Variants in MAZ observed in about 807,000 individuals in gnomAD.
The protein encoded by MAZ is myc-associated zinc finger protein.
A neutral mutation model predicts 32.7 loss-of-function variants in MAZ; 4 were observed. That is an observed-to-expected ratio of 0.12 (90% CI 0.06 to 0.28). MAZ has a LOEUF of 0.28. Among genes scored for constraint, MAZ ranks in the 10% least tolerant of loss-of-function variants. MAZ has a pLI of 1.00. For synonymous variants in MAZ, 510 were observed against 297.6 expected, an observed-to-expected ratio of 1.71 and a Z score of -7.35; for missense variants, 763 against 667.2, an observed-to-expected ratio of 1.14 and a Z score of -1.58.
rs571424053 is a variant in MAZ at position 29,810,247 on chromosome 16, C to T, written c.*16C>T. 2.9e-5 allele frequency: 45 copies of T among 1,572,258 alleles called. No individual in the cohort carries two copies. The highest frequency in any genetic ancestry group is 1.7e-4 in the Middle Eastern group (1 of 6,034). On this transcript the variant is annotated 3_prime_UTR_variant, in exon 5 of 5. Coordinates refer to ENST00000322945, the MANE Select transcript of MAZ (RefSeq NM_002383.4). ...ACCCTGGTGAGCTCCAAGTTGGTTG[C>T]GGGGGAGAGGGGAGAATGGAGTAGA...
At chr16:29,808,335 G>T in intron 3 of MAZ, 42 bp downstream of exon 3, 1 of 1,575,698 alleles carries the variant, frequency 6.3e-7, no homozygotes, top group Non-Finnish European at 8.7e-7. Context: ...TCATGATTTT[G>T]ATCCTCATGG....
At chr16:29,808,995 G>A (rs1216147926) in intron 4 of MAZ, 2 of 564,074 alleles carry the variant, frequency 3.5e-6, no homozygotes, top group Non-Finnish European at 6.2e-6. Context: ...AGTGGAACTT[G>A]GCTGCTCTGG....
In MAZ at chr16:29,807,637, T is replaced by C. The variant is rs749830776; in HGVS notation, c.852T>C (p.Cys284=). 2.5e-6 allele frequency: 4 copies of C among 1,612,612 alleles called. No homozygotes were observed. The highest frequency in any genetic ancestry group is 2.7e-5 in the African/African-American group (2 of 74,902). Residue 284 remains cysteine (C), a synonymous_variant, in exon 2 of 5, where the codon TGT becomes TGC. Coordinates refer to ENST00000322945, the MANE Select transcript of MAZ (RefSeq NM_002383.4). ...GGAAGAACCATGCCTGCGAGATGTGTGGCAAGGCCTTCCGCGACGTCTACC... is the reference window on the plus strand; with the variant it reads ...GGAAGAACCATGCCTGCGAGATGTGCGGCAAGGCCTTCCGCGACGTCTACC... ...RIRKNHACEM[C]GKAFRDVYHL...
intron 4 of MAZ, chr16:29,809,288 T>G: frequency 1.8e-6 from 1 of 544,792 alleles, no homozygotes; most frequent in East Asian, 3.2e-5. Flanking sequence ...CTGGGAGAGG[T>G]CTCCCGGCCA....
chr16:29,808,986 G>A lies in MAZ; in HGVS notation c.1279+245G>A, dbSNP rs2142403852. 12 of 566,542 alleles carry A rather than the reference G, an allele frequency of 2.1e-5. No individual in the cohort carries two copies. The South Asian group carries it at 2.8e-4, about 13-fold the overall frequency. 35.1% of individuals were successfully genotyped at this position (566,542 alleles called of 1,614,324 possible). A position where few individuals can be genotyped will look rare whatever the true frequency, so the allele number is the denominator to read the frequency against. ...CTGGTAATGTGTGGGGAAAGCGGGA[G>A]TGGAACTTGGCTGCTCTGGGGAAGG... On this transcript the variant is annotated intron_variant, in intron 4 of 4. Coordinates refer to ENST00000322945, the MANE Select transcript of MAZ (RefSeq NM_002383.4).
upstream of MAZ, chr16:29,806,124 ACCTCCCTC>A: frequency 1.7e-5 from 8 of 480,892 alleles, no homozygotes; most frequent in African/African-American, 3.7e-5. Flanking sequence ...AGCGCGAGCC[ACCTCCCTC>A]CCTCCCTCCG....
chr16:29,807,571 C>T lies in MAZ; in HGVS notation c.786C>T (p.Ala262=), dbSNP rs773615145. 10 of 1,607,480 alleles carry T rather than the reference C, an allele frequency of 6.2e-6. No individual in the cohort carries two copies. Among genetic ancestry groups the T allele is most frequent in the African/African-American group, 1.3e-5 (1 of 74,638 alleles). ...GAGGGAAAVA[A]GGVVTTTASG... ...GCGGCGGCGCTGCCGCAGTGGCCGC[C>T]GGTGGCGTGGTGACCACGACCGCCT... is the stretch of plus-strand genomic sequence containing the variant. The change falls in exon 2 of 5, where the codon GCC becomes GCT. Residue 262 remains alanine (A), a synonymous_variant. Coordinates refer to ENST00000322945, the MANE Select transcript of MAZ (RefSeq NM_002383.4).
rs1267861617 is a variant in MAZ, at chr16:29,810,413, C to T, written c.*182C>T. On this transcript the variant is annotated 3_prime_UTR_variant, in exon 5 of 5. Coordinates refer to ENST00000322945, the MANE Select transcript of MAZ (RefSeq NM_002383.4). The stretch of plus-strand genomic sequence containing the variant: ...AGGTTTTAACGATTTGTTTCTCCTG[C>T]TCCTCTTCTGTCAGACCTGACCCCA... The T allele has an allele frequency of 7.9e-6, 6 of 757,266 alleles. No individual in the cohort carries two copies. Among genetic ancestry groups the T allele is most frequent in the African/African-American group, 3.4e-5 (2 of 58,182 alleles). The allele number at this position is 757,266 out of a possible 1,614,324, so 46.9% of individuals were successfully genotyped here.
chr16:29,806,224 C>T (rs1596864683), upstream of MAZ: 1 of 336,042 alleles, frequency 3.0e-6, no homozygotes, highest in African/African-American at 5.2e-5. Flanking sequence ...GCCCACACCC[C>T]CTCCTGCCCG....
At chr16:29,809,911 G>C in intron 4 of MAZ, 166 bp from the exon 5 acceptor site, 1 of 1,236,510 alleles carries the variant, frequency 8.1e-7, no homozygotes, top group South Asian at 1.5e-5. Context: ...GAGGATCCTT[G>C]AGAACTGCTC....
At position 29,807,362 on chromosome 16, in the gene MAZ, G is replaced by C; in HGVS notation, c.577G>C (p.Ala193Pro). ...KTKSKGPYICALCAKEFKNGY... is the reference protein window; with the variant it reads ...KTKSKGPYICPLCAKEFKNGY... Reference sequence around the variant, plus strand: ...AAAGAGCAAGGGGCCCTACATCTGCGCTCTGTGCGCCAAGGAGTTCAAGAA... The same window carrying C: ...AAAGAGCAAGGGGCCCTACATCTGCCCTCTGTGCGCCAAGGAGTTCAAGAA... Residue 193 changes from alanine to proline, a missense_variant, in exon 2 of 5, where the codon GCT (alanine) becomes CCT (proline). Ala to Pro is a conservative substitution (Grantham distance 27). Coordinates refer to ENST00000322945, the MANE Select transcript of MAZ (RefSeq NM_002383.4). 1 of 1,612,240 alleles carries C rather than the reference G, an allele frequency of 6.2e-7. No individual in the cohort carries two copies. Among genetic ancestry groups the C allele is most frequent in the Non-Finnish European group, 8.5e-7 (1 of 1,179,670 alleles).
At chr16:29,808,539 G>GAC in intron 3 of MAZ, 31 bp from the exon 4 acceptor site, 1 of 1,489,022 alleles carries the variant, frequency 6.7e-7, no homozygotes, top group Non-Finnish European at 9.1e-7. Flanking sequence ...ACTCTCCTGT[G>GAC]ACACCCCCCA....
chr16:29,810,999 A>C lies in MAZ; in HGVS notation c.*768A>C. On this transcript the variant is annotated 3_prime_UTR_variant, in exon 5 of 5. Transcript: ENST00000322945. Reference sequence around the variant, plus strand: ...AGCCAGTGTCCCCCTCCCCTCTTCCACCCCAGCTCCAGCCCTGGTCTTGTC... The same window carrying C: ...AGCCAGTGTCCCCCTCCCCTCTTCCCCCCCAGCTCCAGCCCTGGTCTTGTC... 2.2e-6 allele frequency: 1 copy of C among 445,986 alleles called. No homozygotes were observed. Among genetic ancestry groups the C allele is most frequent in the Non-Finnish European group, 4.5e-6 (1 of 221,850 alleles). The allele number at this position is 445,986 out of a possible 1,614,324, so 27.6% of individuals were successfully genotyped here.
chr16:29,809,946 G>A (rs1322620653), intron 4 of MAZ, 131 bp from the exon 5 acceptor site: 5 of 1,429,904 alleles, frequency 3.5e-6, no homozygotes, highest in Non-Finnish European at 4.7e-6. Flanking sequence ...TGCAGGCTGA[G>A]GCCTCTGGGG....
At chr16:29,809,482 C>T (rs1295237222) in intron 4 of MAZ, 4 of 1,126,506 alleles carry the variant, frequency 3.6e-6, no homozygotes, top group Admixed American at 1.8e-5. Context: ...AGATCAGCCC[C>T]GTCTCTGGGG....
In MAZ at chr16:29,807,159, C is replaced by A; in HGVS notation, c.374C>A (p.Ala125Glu). 2 of 1,076,196 alleles carry A rather than the reference C, an allele frequency of 1.9e-6. No homozygotes were observed. The highest frequency in any genetic ancestry group is 4.7e-5 in the Admixed American group (1 of 21,082). 66.7% of individuals were successfully genotyped at this position (1,076,196 alleles called of 1,614,324 possible). A position where few individuals can be genotyped will look rare whatever the true frequency, so the allele number is the denominator to read the frequency against. Residue 125 changes from alanine to glutamate, a missense_variant, in exon 2 of 5, where the codon GCG becomes GAG. Ala to Glu is a moderately radical substitution (Grantham distance 107). Transcript: ENST00000322945. ...APAAASTVDTAALKQPPAPPP... is the reference protein window; with the variant it reads ...APAAASTVDTEALKQPPAPPP... ...GCCGCCGCCTCTACGGTGGACACAG[C>A]GGCCCTGAAGCAGCCTCCGGCGCCC...
rs540323579 is a variant in MAZ, at chr16:29,809,894, G to A, written c.1280-183G>A. 475 of 1,135,370 alleles carry A rather than the reference G, an allele frequency of 4.2e-4. 1 individual carries two copies. Among genetic ancestry groups the A allele is most frequent in the Middle Eastern group, 3.7e-3 (12 of 3,262 alleles). 70.3% of individuals were successfully genotyped at this position (1,135,370 alleles called of 1,614,324 possible). On this transcript the variant is annotated intron_variant, in intron 4 of 4. Transcript: ENST00000322945. ...CCACTCAGGCTAGGGAGACTTCTGG[G>A]CACAGGGAGGATCCTTGAGAACTGC...
Position 29,811,131 on chromosome 16 carries a change from G to A in MAZ, c.*900G>A. 1 of 441,970 alleles carries A rather than the reference G, an allele frequency of 2.3e-6. No homozygotes were observed. The highest frequency in any genetic ancestry group is 1.6e-5 in the South Asian group (1 of 61,838). The allele number at this position is 441,970 out of a possible 1,614,324, so 27.4% of individuals were successfully genotyped here. ...ACCCTCCACCCCTTCCTTTTGCGCG[G>A]ACCCCATTACAATAAATTTTAAATA... On this transcript the variant is annotated 3_prime_UTR_variant, in exon 5 of 5. Transcript: ENST00000322945.
Position 29,807,316 on chromosome 16 carries a change from G to A in MAZ, c.531G>A (p.Ala177=), listed in dbSNP as rs200519536. ...CGACGGTCGCCGTGGCCCCGGTCGC[G>A]TCTGCCTTGGAGAAGAAGACAAAGA... ...PTSTVAVAPV[A]SALEKKTKSK... The change falls in exon 2 of 5, where the codon GCG becomes GCA. Residue 177 remains alanine (A), a synonymous_variant. Transcript: ENST00000322945. The A allele has an allele frequency of 4.4e-6, 7 of 1,601,108 alleles. No homozygotes were observed. The highest frequency in any genetic ancestry group is 1.7e-5 in the Admixed American group (1 of 58,528).
Sources: allele counts gnomAD v4.1 joint callset, GRCh38; gene constraint gnomAD v4.1.1; transcripts MANE v1.5; gene names NCBI Gene and HGNC (gene_info 2026-07-23, HGNC 2026-07-21).